Variants in MTHFD1 observed in about 807,000 individuals in gnomAD.
MTHFD1 encodes methylenetetrahydrofolate dehydrogenase, cyclohydrolase and formyltetrahydrofolate synthetase 1.
In MTHFD1, 44 loss-of-function variants were observed where a neutral mutation model predicts 110.3. That is an observed-to-expected ratio of 0.40 (90% CI 0.31 to 0.51). The LOEUF is 0.51. MTHFD1 is among the 20% of genes least tolerant of loss of function. MTHFD1 has a pLI of 0.60. For missense variants in MTHFD1, 909 were observed against 1,173.1 expected (o/e 0.77, Z 3.29); for synonymous variants, 402 against 428.8 (o/e 0.94, Z 0.77).
In MTHFD1 at chr14:64,417,991, C is replaced by A. The variant is rs200162175; in HGVS notation, c.582C>A (p.Thr194=). 26 of 1,614,106 alleles carry A rather than the reference C, an allele frequency of 1.6e-5. No homozygotes were observed. The East Asian group carries it at 3.6e-4, about 22-fold the overall frequency. The change falls in exon 7 of 28, where the codon ACC becomes ACA. Residue 194 remains threonine (T), a synonymous_variant. Coordinates refer to ENST00000652337, the MANE Select transcript of MTHFD1 (RefSeq NM_005956.4). This position sits in a 1 kb window ranked among gnomAD's most constrained non-coding sequence, Gnocchi z 4.4. ...LLLWNNATVT[T]CHSKTAHLDE... ...TGTGGAACAATGCCACAGTGACCAC[C>A]TGCCACTCCAAGACTGCCCATCTGG...
chr14:64,411,053 C>T (rs2077979491), intron 2 of MTHFD1, 37 bp from the exon 3 acceptor site: 4 of 1,444,710 alleles, frequency 2.8e-6, no homozygotes, highest in Non-Finnish European at 3.9e-6. Flanking sequence ...CTTTGCCTTT[C>T]CCTAATCATC....
intron 3 of MTHFD1, 112 bp from the exon 4 acceptor site, chr14:64,412,360 A>C: frequency 1.2e-6 from 1 of 802,636 alleles, no homozygotes. Context: ...AGAACATATA[A>C]GGGTGAAATG....
Position 64,412,525 on chromosome 14 carries a change from G to C in MTHFD1, c.240G>C (p.Glu80Asp), listed in dbSNP as rs774367364. Residue 80 changes from glutamate to aspartate, a missense_variant and splice_region_variant, in exon 4 of 28, where the codon GAG (glutamate) becomes GAC (aspartate). Glu to Asp is a conservative substitution (Grantham distance 45). Around this residue, in one of 3 missense-constraint regions of MTHFD1, gnomAD observed 424 missense variants for 510.4 expected, o/e 0.83. Transcript: ENST00000652337. ...TACCAAGAACAACCACAGAATCTGA[G>C]GTGAGCTTTTATGAGTTGATTGTGA... ...IKLPRTTTES[E>D]VMKYITSLNE... is the part of the protein sequence containing the mutation. The C allele has an allele frequency of 6.2e-7, 1 of 1,612,568 alleles. No individual in the cohort carries two copies. The highest frequency in any genetic ancestry group is 8.5e-7 in the Non-Finnish European group (1 of 1,178,630).
chr14:64,440,701 G>A (rs2078240864), intron 18 of MTHFD1: 1 of 261,892 alleles, frequency 3.8e-6, no homozygotes, highest in African/African-American at 2.3e-5. Flanking sequence ...CACATATTGA[G>A]TTTGGTATTT....
At chr14:64,444,833 G>C (rs2078277913) in intron 22 of MTHFD1, 99 bp downstream of exon 22, 1 of 1,327,460 alleles carries the variant, frequency 7.5e-7, no homozygotes. Context: ...GGTTATTGCT[G>C]TGACCCAGGG....
intron 24 of MTHFD1, among the ~76,000 whole-genome samples, chr14:64,451,631 A>G (rs1187938184): frequency 2.0e-5 from 3 of 152,232 alleles, no homozygotes; most frequent in Non-Finnish European, 4.4e-5. Context: ...CAAGGCTGGA[A>G]GCCCAGTCCT....
chr14:64,415,119 G>A (rs2078015122), intron 4 of MTHFD1, among the ~76,000 whole-genome samples: 1 of 152,212 alleles, frequency 6.6e-6, no homozygotes, highest in Admixed American at 6.5e-5. Flanking sequence ...ACAGGCATGA[G>A]ACACCTCGCC....
chr14:64,453,728 G>A (rs1169361346), intron 24 of MTHFD1, 26 bp from the exon 25 acceptor site: 1 of 1,354,844 alleles, frequency 7.4e-7, no homozygotes, highest in South Asian at 1.2e-5. Context: ...CAGTCATGGT[G>A]TCCCCATCTC....
intron 1 of MTHFD1, among the ~76,000 whole-genome samples, chr14:64,392,775 A>G (rs893834909): frequency 3.9e-5 from 6 of 152,244 alleles, no homozygotes; most frequent in African/African-American, 1.4e-4. Flanking sequence ...TAAAGCATTT[A>G]GAGAAGTTGT....
Position 64,453,881 on chromosome 14 carries a change from G to A in MTHFD1, c.2565+20G>A, listed in dbSNP as rs2078420361. Reference sequence around the variant, plus strand: ...AAGCAGGTAGATGTTTGGTTAGTTTGTCCTTTCAACTCTTTGCAAAGCAGG... The same window carrying A: ...AAGCAGGTAGATGTTTGGTTAGTTTATCCTTTCAACTCTTTGCAAAGCAGG... On this transcript the variant is annotated intron_variant, in intron 25 of 27. Coordinates refer to ENST00000652337, the MANE Select transcript of MTHFD1 (RefSeq NM_005956.4). 3 of 1,487,600 alleles carry A rather than the reference G, an allele frequency of 2.0e-6. No homozygotes were observed. The highest frequency in any genetic ancestry group is 2.8e-5 in the African/African-American group (2 of 72,258). 92.2% of individuals were successfully genotyped at this position (1,487,600 alleles called of 1,614,324 possible). A position where few individuals can be genotyped will look rare whatever the true frequency, so the allele number is the denominator to read the frequency against.
rs766552980 is a variant in MTHFD1, at chr14:64,449,477, G to T, written c.2312G>T (p.Ser771Ile). 3 of 1,613,892 alleles carry T rather than the reference G, an allele frequency of 1.9e-6. No homozygotes were observed. The Admixed American group carries it at 5.0e-5, about 27-fold the overall frequency. Residue 771 changes from serine (S) to isoleucine (I), a missense_variant, in exon 24 of 28, where the codon AGC (serine) becomes ATC (isoleucine). Physicochemically the swap from Ser to Ile is moderately radical, Grantham distance 142. Transcript: ENST00000652337. The stretch of plus-strand genomic sequence containing the variant: ...ACAGAGTCTGAGCTGGACCTCATCA[G>T]CCGCCTTTCCAGAGAACATGGGGCT... ...TDTESELDLI[S>I]RLSREHGAFD... is the part of the protein sequence containing the mutation.
intron 16 of MTHFD1, 147 bp downstream of exon 16, chr14:64,435,818 T>C: frequency 1.4e-6 from 1 of 690,244 alleles, no homozygotes; most frequent in Admixed American, 2.1e-5. Context: ...ACATTATTTC[T>C]TTTTCTTGCC....
rs2078164123 is a variant in MTHFD1, at chr14:64,431,986, T to C, written c.1494+125T>C. Reference sequence around the variant, plus strand: ...GAAGTTACATCAGTAATCATAGTCTTAAAGTCATGATATACATAGCAAAGA... The same window carrying C: ...GAAGTTACATCAGTAATCATAGTCTCAAAGTCATGATATACATAGCAAAGA... On this transcript the variant is annotated intron_variant, in intron 15 of 27. Transcript: ENST00000652337. 3.7e-6 allele frequency: 3 copies of C among 808,496 alleles called. No individual in the cohort carries two copies. The Admixed American group carries it at 6.5e-5, about 17-fold the overall frequency. The allele number at this position is 808,496 out of a possible 1,614,324, so 50.1% of individuals were successfully genotyped here.
At chr14:64,436,355 A>G (rs2078206137) in intron 16 of MTHFD1, among the ~76,000 whole-genome samples, 1 of 152,098 alleles carries the variant, frequency 6.6e-6, no homozygotes, top group Admixed American at 6.5e-5. Context: ...CAGGCTCCCA[A>G]AGTGCTGGGA....
intron 8 of MTHFD1, among the ~76,000 whole-genome samples, chr14:64,420,484 G>A (rs551248874): frequency 1.6e-4 from 25 of 151,944 alleles, no homozygotes; most frequent in Non-Finnish European, 2.4e-4. Context: ...CTTCCTTCCC[G>A]CAAGTCTGAA....
At chr14:64,411,862 T>C (rs756405676) in intron 3 of MTHFD1, among the ~76,000 whole-genome samples, 5 of 151,668 alleles carry the variant, frequency 3.3e-5, no homozygotes, top group Non-Finnish European at 7.4e-5. Context: ...GATAGTGCCA[T>C]TGCACTCCAG....
In MTHFD1 at chr14:64,431,308, C is replaced by T. The variant is rs184744325; in HGVS notation, c.1312-224C>T. The stretch of plus-strand genomic sequence containing the variant: ...CTTGAACTCCTGGCCTGAAGTGATC[C>T]GCCCGCCTCGGCCTCCCAAAGTGCT... On this transcript the variant is annotated intron_variant, in intron 13 of 27. Transcript: ENST00000652337. 1.3e-4 allele frequency among the ~76,000 whole-genome samples: 19 copies of T among 151,996 alleles called. No homozygotes were observed. In the South Asian group the frequency reaches 1.5e-3, roughly 12 times the overall value.
In MTHFD1 at chr14:64,449,546, G is replaced by T; in HGVS notation, c.2381G>T (p.Gly794Val). 1 of 1,614,142 alleles carries T rather than the reference G, an allele frequency of 6.2e-7. No individual in the cohort carries two copies. The highest frequency in any genetic ancestry group is 1.7e-4 in the Middle Eastern group (1 of 6,060). The change falls in exon 24 of 28, where the codon GGT (glycine) becomes GTT (valine). Residue 794 changes from glycine to valine, a missense_variant. Physicochemically the swap from Gly to Val is moderately radical, Grantham distance 109 (BLOSUM62 -3). This residue lies in a region of MTHFD1 where 482 missense variants were observed against 646.0 expected (regional missense o/e 0.75). Transcript: ENST00000652337. The part of the protein sequence containing the change: ...KCTHWAEGGK[G>V]ALALAQAVQR... ...ACTCACTGGGCAGAAGGGGGCAAGGGTGCCTTAGCCCTGGCTCAGGCCGTC... is the reference window on the plus strand; with the variant it reads ...ACTCACTGGGCAGAAGGGGGCAAGGTTGCCTTAGCCCTGGCTCAGGCCGTC...
At chr14:64,407,292 T>A (rs1311600482) in intron 2 of MTHFD1, among the ~76,000 whole-genome samples, 1 of 151,832 alleles carries the variant, frequency 6.6e-6, no homozygotes, top group Non-Finnish European at 1.5e-5. Context: ...ATAGAGAGAC[T>A]TTGTCTCCAA....
Sources: gnomAD v4.1 joint callset for allele counts (sites outside exome capture counted in the v4.1 genomes callset) on GRCh38, gnomAD v4.1.1 for gene constraint, gnomAD v4.1.1 regional missense constraint, Gnocchi (gnomAD v3.1) non-coding constraint, MANE v1.5 for transcripts, NCBI Gene and HGNC (gene_info 2026-07-23, HGNC 2026-07-21) for gene names.